Variants in GAS7 observed in about 807,000 individuals in gnomAD.
GAS7 encodes growth arrest-specific protein 7.
GAS7 carries 28 observed loss-of-function variants against 71.1 expected under a neutral mutation model. The observed-to-expected ratio is 0.39, with a 90% CI of 0.29 to 0.54. The LOEUF (loss-of-function observed/expected upper bound fraction) is 0.54. GAS7 is among the 20% of genes least tolerant of loss of function. The pLI, the probability that GAS7 is intolerant of heterozygous loss-of-function variation, is 0.62. For synonymous variants in GAS7, 258 were observed against 245.8 expected, an observed-to-expected ratio of 1.05 and a Z score of -0.46; for missense variants, 436 against 627.8, an observed-to-expected ratio of 0.69 and a Z score of 3.27.
chr17:10,166,103 G>A (rs2074292268), intron 1 of GAS7, among the ~76,000 whole-genome samples: 1 of 151,368 alleles, frequency 6.6e-6, no homozygotes, highest in Non-Finnish European at 1.5e-5. Context: ...GCTCACTGCA[G>A]CCTCAAGCTC....
chr17:9,954,733 T>A (rs1422693765), intron 5 of GAS7, among the ~76,000 whole-genome samples: 1 of 151,988 alleles, frequency 6.6e-6, no homozygotes, highest in East Asian at 1.9e-4. Flanking sequence ...GTGATACATA[T>A]CTACAATGCA....
At chr17:10,172,627 C>T (rs911258415) in intron 1 of GAS7, among the ~76,000 whole-genome samples, 1 of 152,264 alleles carries the variant, frequency 6.6e-6, no homozygotes, top group Non-Finnish European at 1.5e-5. Flanking sequence ...TTAGGAAGGG[C>T]TTAACCTCAC....
chr17:10,043,159 C>T (rs115102344), intron 1 of GAS7, among the ~76,000 whole-genome samples: 2 of 152,220 alleles, frequency 1.3e-5, no homozygotes, highest in East Asian at 1.9e-4. Context: ...TTATTCTCCC[C>T]CAGCATGCCT....
chr17:10,025,225 A>C lies in GAS7; in HGVS notation c.184-5328T>G, dbSNP rs572389673. Among the ~76,000 whole-genome samples the C allele has an allele frequency of 1.2e-4, 18 of 152,188 alleles. No individual in the cohort carries two copies. In the South Asian group the frequency reaches 2.3e-3, roughly 19 times the overall value. On this transcript the variant is annotated intron_variant, in intron 1 of 13. Transcript: ENST00000432992. ...CAAGGGCAGCCTGGGCAATGGAGCA[A>C]GACCCCATCTCTACACAAAATTAAT...
intron 1 of GAS7, among the ~76,000 whole-genome samples, chr17:10,086,727 C>T (rs1441803985): frequency 1.3e-5 from 2 of 152,170 alleles, no homozygotes; most frequent in African/African-American, 4.8e-5. Context: ...GCAGATCCTG[C>T]CATGGGTCAG....
chr17:10,073,071 G>A (rs1398317955), intron 1 of GAS7, among the ~76,000 whole-genome samples: 1 of 152,202 alleles, frequency 6.6e-6, no homozygotes, highest in African/African-American at 2.4e-5. Context: ...CAAGGCAAAG[G>A]CTCGCTGGAA....
At chr17:10,140,640 TTCTG>T (rs1477170863) in intron 1 of GAS7, among the ~76,000 whole-genome samples, 2 of 152,146 alleles carry the variant, frequency 1.3e-5, no homozygotes, top group Non-Finnish European at 2.9e-5. Flanking sequence ...ACATCTACGT[TTCTG>T]TCTGTTTCTC....
At chr17:10,019,987 A>G (rs998072839) in intron 1 of GAS7, 90 bp from the exon 2 acceptor site, 3 of 1,260,674 alleles carry the variant, frequency 2.4e-6, no homozygotes, top group African/African-American at 2.9e-5. Flanking sequence ...AATTCACCCT[A>G]CAGTAGCGTG....
At chr17:9,968,586 T>C in intron 4 of GAS7, among the ~76,000 whole-genome samples, 1 of 152,228 alleles carries the variant, frequency 6.6e-6, no homozygotes, top group East Asian at 1.9e-4. Flanking sequence ...TTGTCCATGA[T>C]AAAGCTGAGT....
chr17:10,083,176 G>A (rs1597781627), intron 1 of GAS7, among the ~76,000 whole-genome samples: 1 of 152,180 alleles, frequency 6.6e-6, no homozygotes, highest in East Asian at 1.9e-4. Context: ...ACGAATGGCA[G>A]ATACATTTGT....
intron 2 of GAS7, among the ~76,000 whole-genome samples, chr17:9,983,543 T>C (rs113417054): frequency 0.062 from 9,334 of 150,470 alleles, 348 homozygotes; most frequent in Middle Eastern, 0.17. Flanking sequence ...TCCCAGCAAT[T>C]TGGGAGGCCG....
chr17:10,063,008 C>G (rs1476731431), intron 1 of GAS7, among the ~76,000 whole-genome samples: 1 of 152,246 alleles, frequency 6.6e-6, no homozygotes, highest in Non-Finnish European at 1.5e-5. Context: ...AGGGGGCACA[C>G]AGTAGGATGG....
chr17:9,947,482 C>T (rs887932694), intron 5 of GAS7, among the ~76,000 whole-genome samples: 22 of 152,148 alleles, frequency 1.4e-4, no homozygotes, highest in Non-Finnish European at 3.2e-4. Context: ...CGGTGGCTCA[C>T]GCCTGTAATC....
At chr17:10,188,012 G>A (rs1381209949) in intron 1 of GAS7, among the ~76,000 whole-genome samples, 1 of 152,176 alleles carries the variant, frequency 6.6e-6, no homozygotes, top group Non-Finnish European at 1.5e-5. Flanking sequence ...GGGAGGCCGA[G>A]GCAGGTGGAT....
intron 7 of GAS7, among the ~76,000 whole-genome samples, chr17:9,940,498 C>T (rs1010255247): frequency 2.6e-5 from 4 of 152,124 alleles, no homozygotes; most frequent in Admixed American, 2.0e-4. Flanking sequence ...TAGCACAGAA[C>T]GGGAAACATA....
intron 1 of GAS7, among the ~76,000 whole-genome samples, chr17:10,110,488 C>T (rs980844926): frequency 7.2e-5 from 11 of 151,780 alleles, no homozygotes; most frequent in East Asian, 5.8e-4. Context: ...TTTTTTAAGA[C>T]GGAGTCTCGC....
chr17:10,101,392 C>T (rs879029830), intron 1 of GAS7, among the ~76,000 whole-genome samples: 8 of 152,234 alleles, frequency 5.3e-5, no homozygotes, highest in South Asian at 4.1e-4. Context: ...GCGGAAGCCA[C>T]GGCCATTTTG....
chr17:10,158,624 T>C (rs1312798216), intron 1 of GAS7, among the ~76,000 whole-genome samples: 1 of 152,138 alleles, frequency 6.6e-6, no homozygotes, highest in African/African-American at 2.4e-5. Context: ...GATGGAAGGA[T>C]AGAAGGTTAG....
intron 1 of GAS7, among the ~76,000 whole-genome samples, chr17:10,136,577 C>A (rs1352557596): frequency 6.6e-6 from 1 of 152,200 alleles, no homozygotes; most frequent in Non-Finnish European, 1.5e-5. Context: ...GGACTCAAAT[C>A]CTCCACATGA....
Sources: gnomAD v4.1 joint callset for allele counts (sites outside exome capture counted in the v4.1 genomes callset) on GRCh38, gnomAD v4.1.1 for gene constraint, MANE v1.5 for transcripts, NCBI Gene and HGNC (gene_info 2026-07-23, HGNC 2026-07-21) for gene names.